Variants in CHM observed in about 807,000 individuals in gnomAD.
CHM encodes the protein rab proteins geranylgeranyltransferase component A 1.
A neutral mutation model predicts 49.0 loss-of-function variants in CHM; 10 were observed. That is an observed-to-expected ratio of 0.20 (90% CI 0.13 to 0.35). The LOEUF (loss-of-function observed/expected upper bound fraction) is 0.35, where lower values mean the gene tolerates loss of function less well. Ranked by LOEUF, CHM falls within the 10% of genes least tolerant of loss-of-function variation. CHM has a pLI of 1.00. For synonymous variants in CHM, 184 were observed against 167.5 expected (o/e 1.10, Z -0.76); for missense variants, 455 against 478.4 (o/e 0.95, Z 0.46).
chrX:85,997,311 C>A (rs951488430), intron 2 of CHM, among the ~76,000 whole-genome samples: 7 of 111,262 alleles, frequency 6.3e-5, no homozygotes, highest in African/African-American at 2.3e-4. Flanking sequence ...AATGTCTATA[C>A]CCCCTAGGGT....
chrX:85,916,233 ACTG>A (rs1279411721), intron 8 of CHM, among the ~76,000 whole-genome samples: 1 of 112,221 alleles, frequency 8.9e-6, no homozygotes, highest in Non-Finnish European at 1.9e-5. Flanking sequence ...TGCTAGGATA[ACTG>A]GCTTAGCCAC....
chrX:85,902,107 T>C (rs1311702011), intron 9 of CHM, among the ~76,000 whole-genome samples: 3 of 111,984 alleles, frequency 2.7e-5, no homozygotes, highest in Non-Finnish European at 3.8e-5. Flanking sequence ...ATCTTTTGAT[T>C]ATGGAAATAT....
intron 5 of CHM, among the ~76,000 whole-genome samples, chrX:85,960,725 CT>C (rs1930252202): frequency 9.0e-6 from 1 of 111,350 alleles, no homozygotes; most frequent in Non-Finnish European, 1.9e-5. Flanking sequence ...CACGCTCAGC[CT>C]AAGCCTCTTT....
At chrX:86,010,571 T>A (rs1413221178) in intron 2 of CHM, among the ~76,000 whole-genome samples, 1 of 110,928 alleles carries the variant, frequency 9.0e-6, no homozygotes, top group Non-Finnish European at 1.9e-5. Flanking sequence ...AAAACTTTAA[T>A]GTTTTCAATT....
At chrX:85,984,290 A>G (rs1175689420) in intron 2 of CHM, among the ~76,000 whole-genome samples, 2 of 112,365 alleles carry the variant, frequency 1.8e-5, no homozygotes, top group African/African-American at 6.5e-5. Context: ...ACAGATATTA[A>G]AAGGTAAAAA....
At chrX:85,912,093 G>A (rs1927065098) in intron 8 of CHM, among the ~76,000 whole-genome samples, 1 of 111,768 alleles carries the variant, frequency 8.9e-6, no homozygotes, top group Non-Finnish European at 1.9e-5. Context: ...GTGGATCCCT[G>A]AATGGAGGAA....
chrX:86,009,590 T>A (rs1932972186), intron 2 of CHM, among the ~76,000 whole-genome samples: 1 of 112,627 alleles, frequency 8.9e-6, no homozygotes. Flanking sequence ...TGCATCTTAT[T>A]CCACTGTATA....
chrX:85,970,467 T>C, intron 4 of CHM: 1 of 751,136 alleles, frequency 1.3e-6, no homozygotes, highest in Non-Finnish European at 1.6e-6. Flanking sequence ...TGTGCATACA[T>C]GTGTTTACCT....
intron 2 of CHM, among the ~76,000 whole-genome samples, chrX:86,026,633 A>G (rs917311751): frequency 2.7e-5 from 3 of 112,132 alleles, no homozygotes; most frequent in African/African-American, 9.7e-5. Flanking sequence ...TATGCTTTCA[A>G]AATGAATTTA....
intron 12 of CHM, among the ~76,000 whole-genome samples, chrX:85,892,983 T>C (rs1603241466): frequency 8.9e-6 from 1 of 111,815 alleles, no homozygotes; most frequent in African/African-American, 3.2e-5. Flanking sequence ...GAGTACACTG[T>C]TTGTTGGTAC....
chrX:86,020,877 A>C (rs1314406394), intron 2 of CHM, among the ~76,000 whole-genome samples: 1 of 101,506 alleles, frequency 9.9e-6, no homozygotes, highest in African/African-American at 3.5e-5. Context: ...TATATTTATC[A>C]TATATATCTG....
intron 9 of CHM, among the ~76,000 whole-genome samples, chrX:85,906,900 G>C (rs1304890376): frequency 8.9e-6 from 1 of 111,808 alleles, no homozygotes; most frequent in Non-Finnish European, 1.9e-5. Context: ...CTGGGAGGCT[G>C]AGGCCGGCTG....
At chrX:85,871,120 G>A (rs1456619483) in intron 14 of CHM, among the ~76,000 whole-genome samples, 4 of 106,873 alleles carry the variant, frequency 3.7e-5, no homozygotes, top group African/African-American at 1.4e-4. Flanking sequence ...AGACCATCCT[G>A]GCTAACATGG....
chrX:85,920,364 G>C (rs536001379), intron 8 of CHM, among the ~76,000 whole-genome samples: 1 of 111,646 alleles, frequency 9.0e-6, no homozygotes, highest in African/African-American at 3.3e-5. Flanking sequence ...CCAAAGTGCT[G>C]GGATTACAGG....
intron 12 of CHM, among the ~76,000 whole-genome samples, chrX:85,884,870 G>C (rs1048967451): frequency 9.0e-6 from 1 of 110,853 alleles, no homozygotes; most frequent in Non-Finnish European, 1.9e-5. Flanking sequence ...AGAAAAAAGT[G>C]GTTGAGAAGT....
At chrX:85,883,379 A>C (rs1924878462) in intron 12 of CHM, among the ~76,000 whole-genome samples, 1 of 111,604 alleles carries the variant, frequency 9.0e-6, no homozygotes, top group Admixed American at 9.6e-5. Context: ...AAATGAGGAT[A>C]TGACTGTATC....
At chrX:85,964,703 C>T (rs1930486380) in intron 4 of CHM, among the ~76,000 whole-genome samples, 1 of 111,951 alleles carries the variant, frequency 8.9e-6, no homozygotes, top group African/African-American at 3.2e-5. Flanking sequence ...TCTAATAGGA[C>T]CTTTCTGTAT....
intron 12 of CHM, among the ~76,000 whole-genome samples, chrX:85,888,222 C>T (rs1211965073): frequency 8.9e-6 from 1 of 111,933 alleles, no homozygotes; most frequent in Non-Finnish European, 1.9e-5. Context: ...GGATGTGGTG[C>T]CCTGCATCCC....
Position 85,894,292 on chromosome X carries a change from G to C in CHM, c.1414-8C>G, listed in dbSNP as rs1214839690. 2.8e-5 allele frequency: 33 copies of C among 1,175,205 alleles called. No individual in the cohort carries two copies. The highest frequency in any genetic ancestry group is 3.4e-5 in the Non-Finnish European group (29 of 864,357). On this transcript the variant is annotated splice_region_variant and splice_polypyrimidine_tract_variant and intron_variant, in intron 11 of 14. Coordinates refer to ENST00000357749, the MANE Select transcript of CHM (RefSeq NM_000390.4). ...CACTGTCAAAATGGAAATCTAAAAA[G>C]CAAAAATAAAGTATCAGACACAGCT...
Sources: allele counts gnomAD v4.1 joint callset (sites outside exome capture counted in the v4.1 genomes callset), GRCh38; gene constraint gnomAD v4.1.1; transcripts MANE v1.5; gene names NCBI Gene and HGNC (gene_info 2026-07-23, HGNC 2026-07-21).